Variants in GBE1 observed in about 807,000 individuals in gnomAD.
The protein encoded by GBE1 is 1,4-alpha-glucan-branching enzyme.
Under a neutral mutation model 88.8 loss-of-function variants are expected in GBE1, and 70 were observed. The ratio of observed to expected loss-of-function variants is 0.79; its 90% CI spans 0.65 to 0.96. The LOEUF is 0.96. Among genes scored for constraint, GBE1 ranks in the 40% least tolerant of loss-of-function variants. The pLI, the probability that GBE1 is intolerant of heterozygous loss-of-function variation, is 0.00. For missense variants in GBE1, 872 were observed against 871.0 expected, an observed-to-expected ratio of 1.00 and a Z score of -0.01; for synonymous variants, 284 against 300.1, an observed-to-expected ratio of 0.95 and a Z score of 0.56.
rs372232273 is a variant in GBE1, at chr3:81,586,142, C to T, written c.1285G>A (p.Gly429Ser). Residue 429 changes from glycine to serine, a missense_variant, in exon 10 of 16, where the codon GGT (glycine) becomes AGT (serine). Coordinates refer to ENST00000429644, the MANE Select transcript of GBE1 (RefSeq NM_000158.4). ...ALCSPISQGG[G>S]GFDYRLAMAI... ...ATGGCTAGTCGATAGTCAAAACCACCCCCTCCCTGGGAAATTGGAGAGCAC... is the reference window on the plus strand; with the variant it reads ...ATGGCTAGTCGATAGTCAAAACCACTCCCTCCCTGGGAAATTGGAGAGCAC... 1.9e-5 allele frequency: 31 copies of T among 1,609,928 alleles called. No individual in the cohort carries two copies. The African/African-American group carries it at 3.8e-4, about 19-fold the overall frequency.
intron 1 of GBE1, among the ~76,000 whole-genome samples, chr3:81,724,392 C>A (rs1706079353): frequency 1.3e-5 from 2 of 152,120 alleles, no homozygotes; most frequent in South Asian, 4.1e-4. Flanking sequence ...ATACTGTTCA[C>A]TAATTATTTC....
intron 7 of GBE1, among the ~76,000 whole-genome samples, chr3:81,621,232 C>T (rs1704328455): frequency 6.6e-6 from 1 of 152,134 alleles, no homozygotes; most frequent in Non-Finnish European, 1.5e-5. Flanking sequence ...TGAGTGTATT[C>T]GAATCAACTG....
chr3:81,732,663 C>T (rs908354445), intron 1 of GBE1, among the ~76,000 whole-genome samples: 4 of 152,150 alleles, frequency 2.6e-5, no homozygotes, highest in Admixed American at 6.6e-5. Flanking sequence ...TGATTCAAGT[C>T]ACCATCATCT....
At chr3:81,756,726 T>C (rs1229870217) in intron 1 of GBE1, among the ~76,000 whole-genome samples, 1 of 152,050 alleles carries the variant, frequency 6.6e-6, no homozygotes, top group Non-Finnish European at 1.5e-5. Flanking sequence ...AAAACATGTA[T>C]AGGAACTATC....
At position 81,643,980 on chromosome 3, in the gene GBE1, T is replaced by G. The variant is rs577269962; in HGVS notation, c.783-990A>C. 1.5e-4 allele frequency among the ~76,000 whole-genome samples: 23 copies of G among 152,302 alleles called. No homozygotes were observed. In the East Asian group the frequency reaches 3.3e-3, roughly 22 times the overall value. ...TCTTATGACACTCTCCCACACCCTC[T>G]TTTTATTCCAGCCACCTATCCATTT... is the stretch of plus-strand genomic sequence containing the variant. On this transcript the variant is annotated intron_variant, in intron 6 of 15. Coordinates refer to ENST00000429644, the MANE Select transcript of GBE1 (RefSeq NM_000158.4).
At chr3:81,600,748 C>G (rs1046268671) in intron 7 of GBE1, among the ~76,000 whole-genome samples, 1 of 151,940 alleles carries the variant, frequency 6.6e-6, no homozygotes, top group Non-Finnish European at 1.5e-5. Flanking sequence ...GATAATACTA[C>G]AGAAGTTATT....
At chr3:81,653,109 A>G (rs1704874382) in intron 3 of GBE1, among the ~76,000 whole-genome samples, 3 of 152,194 alleles carry the variant, frequency 2.0e-5, no homozygotes, top group Non-Finnish European at 4.4e-5. Flanking sequence ...TGCTAGTGTG[A>G]GTATAAAGCA....
At chr3:81,592,959 T>C (rs950036442) in intron 8 of GBE1, among the ~76,000 whole-genome samples, 5 of 152,194 alleles carry the variant, frequency 3.3e-5, no homozygotes, top group Non-Finnish European at 7.4e-5. Flanking sequence ...TTTGAATGTT[T>C]AGCTTCTTTC....
At chr3:81,604,526 A>G (rs921721009) in intron 7 of GBE1, among the ~76,000 whole-genome samples, 1 of 152,016 alleles carries the variant, frequency 6.6e-6, no homozygotes, top group African/African-American at 2.4e-5. Context: ...GACTGAAGCA[A>G]TCTGCCCACC....
intron 2 of GBE1, among the ~76,000 whole-genome samples, chr3:81,671,235 C>G (rs1705185061): frequency 6.6e-6 from 1 of 151,996 alleles, no homozygotes; most frequent in Admixed American, 6.6e-5. Flanking sequence ...TGTCAATAAA[C>G]AGAATGCAAA....
At chr3:81,655,755 G>A (rs1271691649) in intron 3 of GBE1, among the ~76,000 whole-genome samples, 1 of 151,994 alleles carries the variant, frequency 6.6e-6, no homozygotes, top group African/African-American at 2.4e-5. Context: ...CCTGACCTCA[G>A]GTGATCCACA....
At chr3:81,751,232 A>G (rs763019197) in intron 1 of GBE1, among the ~76,000 whole-genome samples, 13 of 152,330 alleles carry the variant, frequency 8.5e-5, no homozygotes, top group Admixed American at 2.0e-4. Flanking sequence ...GAATGCCTGG[A>G]TCCTGCACAG....
At chr3:81,663,811 G>T (rs1705066042) in intron 3 of GBE1, among the ~76,000 whole-genome samples, 1 of 152,162 alleles carries the variant, frequency 6.6e-6, no homozygotes, top group Admixed American at 6.5e-5. Context: ...TCTCGCAGAG[G>T]TTTGAGCAGC....
chr3:81,560,785 T>C (rs1203109703), intron 12 of GBE1, among the ~76,000 whole-genome samples: 5 of 152,058 alleles, frequency 3.3e-5, no homozygotes, highest in African/African-American at 1.2e-4. Flanking sequence ...GTTTCTCTTA[T>C]GCTATAAAAT....
chr3:81,573,414 C>T (rs1335708818), intron 12 of GBE1, among the ~76,000 whole-genome samples: 1 of 152,180 alleles, frequency 6.6e-6, no homozygotes, highest in Non-Finnish European at 1.5e-5. Flanking sequence ...TTTTTACCAA[C>T]AATCTCCAAA....
intron 7 of GBE1, among the ~76,000 whole-genome samples, chr3:81,605,234 T>G (rs763526775): frequency 9.8e-5 from 15 of 152,350 alleles, no homozygotes; most frequent in Non-Finnish European, 1.9e-4. Context: ...TGCACATTGC[T>G]GCCTAGACTT....
At chr3:81,741,853 A>G (rs1294755246) in intron 1 of GBE1, among the ~76,000 whole-genome samples, 1 of 147,652 alleles carries the variant, frequency 6.8e-6, no homozygotes, top group Non-Finnish European at 1.5e-5. Context: ...TATAATATAT[A>G]GTTTTTTATA....
intron 14 of GBE1, among the ~76,000 whole-genome samples, chr3:81,503,393 A>G (rs1443279028): frequency 2.0e-5 from 3 of 152,164 alleles, no homozygotes; most frequent in African/African-American, 7.2e-5. Flanking sequence ...GTTAAGTGTG[A>G]TAGTGTTTAA....
intron 14 of GBE1, among the ~76,000 whole-genome samples, chr3:81,501,770 A>G (rs539090669): frequency 7.7e-6 from 1 of 129,974 alleles, no homozygotes; most frequent in East Asian, 2.4e-4. Context: ...ATCTTGCCTC[A>G]CTGAAACCTC....
Sources: allele counts gnomAD v4.1 joint callset (sites outside exome capture counted in the v4.1 genomes callset), GRCh38; gene constraint gnomAD v4.1.1; transcripts MANE v1.5; gene names NCBI Gene and HGNC (gene_info 2026-07-23, HGNC 2026-07-21).